The following GPC5 variants were observed in gnomAD, a reference collection of about 807,000 sequenced individuals.
GPC5 encodes the protein glypican 5.
In GPC5, 47 loss-of-function variants were observed where a neutral mutation model predicts 53.9. That is an observed-to-expected ratio of 0.87 (90% CI 0.69 to 1.11). GPC5 has a LOEUF of 1.11. GPC5 is among the 50% of genes most tolerant of loss of function. The pLI, the probability that GPC5 is intolerant of heterozygous loss-of-function variation, is 0.00. For synonymous variants in GPC5, 286 were observed against 263.3 expected (o/e 1.09, Z -0.84); for missense variants, 748 against 713.1 (o/e 1.05, Z -0.56).
At chr13:92,736,486 A>G (rs947729864) in intron 7 of GPC5, among the ~76,000 whole-genome samples, 1 of 151,784 alleles carries the variant, frequency 6.6e-6, no homozygotes, top group African/African-American at 2.4e-5. Flanking sequence ...CCTTGTTCGA[A>G]TCATTTTCCC....
chr13:91,767,827 G>T (rs892296282), intron 5 of GPC5, among the ~76,000 whole-genome samples: 2 of 152,144 alleles, frequency 1.3e-5, no homozygotes, highest in Admixed American at 1.3e-4. Context: ...CCATCTGTTT[G>T]GCACAGAAGT....
chr13:91,543,271 G>C, intron 2 of GPC5, among the ~76,000 whole-genome samples: 1 of 152,130 alleles, frequency 6.6e-6, no homozygotes, highest in Admixed American at 6.5e-5. Context: ...GGGATTACAG[G>C]TGTGAGCCAC....
intron 7 of GPC5, among the ~76,000 whole-genome samples, chr13:92,194,339 T>G (rs540920777): frequency 6.6e-6 from 1 of 152,278 alleles, no homozygotes; most frequent in African/African-American, 2.4e-5. Context: ...AGGTGTGTGA[T>G]GCATGCCATA....
intron 7 of GPC5, among the ~76,000 whole-genome samples, chr13:92,849,201 A>G (rs923596394): frequency 5.3e-5 from 8 of 152,056 alleles, no homozygotes; most frequent in Admixed American, 3.9e-4. Context: ...GTGGTGCTCT[A>G]TGGATATCTT....
chr13:91,750,523 C>A (rs1266565106), intron 4 of GPC5, among the ~76,000 whole-genome samples: 1 of 152,104 alleles, frequency 6.6e-6, no homozygotes, highest in Non-Finnish European at 1.5e-5. Context: ...AATTTAGAAT[C>A]TTTCTAAGAA....
chr13:92,397,993 A>G (rs1035784473), intron 7 of GPC5, among the ~76,000 whole-genome samples: 5 of 152,198 alleles, frequency 3.3e-5, no homozygotes, highest in Non-Finnish European at 7.3e-5. Flanking sequence ...TGTTCAGGGC[A>G]GAGTGAGGAT....
intron 6 of GPC5, among the ~76,000 whole-genome samples, chr13:92,075,405 T>C (rs2138871635): frequency 6.6e-6 from 1 of 152,322 alleles, no homozygotes; most frequent in South Asian, 2.1e-4. Flanking sequence ...AACCTCTGTA[T>C]TTCTTAGTCT....
intron 6 of GPC5, among the ~76,000 whole-genome samples, chr13:92,038,443 A>G (rs1350910678): frequency 1.3e-5 from 2 of 151,564 alleles, no homozygotes; most frequent in Admixed American, 6.6e-5. Context: ...TCTGTATAGT[A>G]TAGATCTATG....
chr13:91,646,725 A>G (rs1158858112), intron 2 of GPC5, among the ~76,000 whole-genome samples: 1 of 152,170 alleles, frequency 6.6e-6, no homozygotes, highest in South Asian at 2.1e-4. Context: ...TATAGCATAT[A>G]AAAAGTCCCA....
chr13:92,621,384 C>G (rs911170274), intron 7 of GPC5, among the ~76,000 whole-genome samples: 3 of 152,150 alleles, frequency 2.0e-5, no homozygotes, highest in African/African-American at 7.2e-5. Flanking sequence ...ACAGTTATCT[C>G]CAGTCATCTC....
At chr13:91,605,639 G>A (rs1281500290) in intron 2 of GPC5, among the ~76,000 whole-genome samples, 1 of 15,184 alleles carries the variant, frequency 6.6e-5, no homozygotes, top group African/African-American at 2.1e-4. Flanking sequence ...TTGAGCAGTG[G>A]TTTGTAGTTC....
intron 6 of GPC5, among the ~76,000 whole-genome samples, chr13:91,983,776 G>T (rs928017982): frequency 2.0e-5 from 3 of 152,260 alleles, no homozygotes; most frequent in African/African-American, 7.2e-5. Flanking sequence ...GGGTGACATG[G>T]ATGATCTGAG....
intron 7 of GPC5, among the ~76,000 whole-genome samples, chr13:92,270,812 C>T (rs2042834549): frequency 6.6e-6 from 1 of 152,160 alleles, no homozygotes; most frequent in Non-Finnish European, 1.5e-5. Flanking sequence ...GAAAGCTAAA[C>T]TCCTTTTTAA....
intron 7 of GPC5, among the ~76,000 whole-genome samples, chr13:92,431,314 T>C (rs1306717653): frequency 6.6e-6 from 1 of 151,260 alleles, no homozygotes; most frequent in East Asian, 1.9e-4. Context: ...TTTAAGGTAA[T>C]GATTACTACA....
At chr13:91,451,844 C>G (rs1225137564) in intron 2 of GPC5, among the ~76,000 whole-genome samples, 3 of 151,888 alleles carry the variant, frequency 2.0e-5, no homozygotes, top group African/African-American at 7.2e-5. Flanking sequence ...TCTTGAACTT[C>G]TGACCTCATG....
At chr13:92,332,761 C>T (rs1248882050) in intron 7 of GPC5, among the ~76,000 whole-genome samples, 1 of 152,156 alleles carries the variant, frequency 6.6e-6, no homozygotes, top group Non-Finnish European at 1.5e-5. Context: ...CCCTGTTATA[C>T]TGAATTTGAT....
intron 6 of GPC5, among the ~76,000 whole-genome samples, chr13:92,075,455 G>A (rs2041244885): frequency 6.6e-6 from 1 of 152,160 alleles, no homozygotes; most frequent in Non-Finnish European, 1.5e-5. Flanking sequence ...TATCAGAGGA[G>A]ATGAGACATA....
At chr13:92,714,995 G>A (rs1291454553) in intron 7 of GPC5, among the ~76,000 whole-genome samples, 1 of 152,132 alleles carries the variant, frequency 6.6e-6, no homozygotes, top group Non-Finnish European at 1.5e-5. Context: ...AACCTGGGAG[G>A]CAGAAGTTGC....
chr13:91,766,249 C>T (rs930426918), intron 5 of GPC5, among the ~76,000 whole-genome samples: 2 of 152,352 alleles, frequency 1.3e-5, no homozygotes, highest in East Asian at 1.9e-4. Flanking sequence ...CAAATGCATT[C>T]TTGAGTGAAA....
Sources: allele counts gnomAD v4.1 joint callset (sites outside exome capture counted in the v4.1 genomes callset), GRCh38; gene constraint gnomAD v4.1.1; transcripts MANE v1.5; gene names NCBI Gene and HGNC (gene_info 2026-07-23, HGNC 2026-07-21).